The following PICALM variants were observed in gnomAD, a reference collection of about 807,000 sequenced individuals.
PICALM encodes phosphatidylinositol-binding clathrin assembly protein.
Under a neutral mutation model 80.5 loss-of-function variants are expected in PICALM, and 40 were observed. The observed-to-expected ratio is 0.50, with a 90% CI of 0.39 to 0.65. The LOEUF is 0.65. Ranked by LOEUF, PICALM falls within the 30% of genes least tolerant of loss-of-function variation. The probability of loss-of-function intolerance (pLI) is 0.00; values close to 1 mark genes in which losing one functional copy is unlikely to be tolerated. For missense variants in PICALM, 676 were observed against 778.9 expected (o/e 0.87, Z 1.57); for synonymous variants, 288 against 260.3 (o/e 1.11, Z -1.02).
chr11:85,981,338 G>A (rs1399635315), intron 16 of PICALM, 110 bp from the exon 17 acceptor site: 1 of 662,726 alleles, frequency 1.5e-6, no homozygotes, highest in Non-Finnish European at 2.6e-6. Flanking sequence ...GGGCGTGGTG[G>A]CTCATGCCTG....
intron 13 of PICALM, among the ~76,000 whole-genome samples, chr11:85,987,137 C>T (rs2094596786): frequency 6.6e-6 from 1 of 152,124 alleles, no homozygotes; most frequent in African/African-American, 2.4e-5. Context: ...GTAACTACTA[C>T]CATTTATTAA....
chr11:86,028,078 T>C (rs1283211037), intron 2 of PICALM, among the ~76,000 whole-genome samples: 1 of 152,248 alleles, frequency 6.6e-6, no homozygotes, highest in Non-Finnish European at 1.5e-5. Flanking sequence ...AGATAATAAA[T>C]CTAAATTTTC....
intron 19 of PICALM, chr11:85,974,385 G>GT: frequency 1.9e-6 from 1 of 513,560 alleles, no homozygotes. Context: ...TGAGTTAATG[G>GT]TTTTGAGGTT....
rs182080053 is a variant in PICALM, at chr11:86,056,792, G to C, written c.130+11859C>G. On this transcript the variant is annotated intron_variant, in intron 1 of 19. Transcript: ENST00000393346. ...CCCAAATGTCCACCAACTAATGAAG[G>C]TATAAATGAAATGTGGGTAACTATA... 4.3e-4 allele frequency among the ~76,000 whole-genome samples: 65 copies of C among 152,242 alleles called. 1 individual carries two copies. Among genetic ancestry groups the C allele is most frequent in the Admixed American group, 4.3e-3 (65 of 15,294 alleles).
chr11:86,027,504 T>C (rs2095668214), intron 2 of PICALM, among the ~76,000 whole-genome samples: 1 of 151,724 alleles, frequency 6.6e-6, no homozygotes, highest in African/African-American at 2.4e-5. Context: ...ATCAGTATTT[T>C]TTTTTTTTTT....
At chr11:85,974,647 T>G in intron 19 of PICALM, 61 bp downstream of exon 19, 1 of 1,084,018 alleles carries the variant, frequency 9.2e-7, no homozygotes, top group Non-Finnish European at 1.4e-6. Context: ...AAAAGGGTTT[T>G]ATAGTATCAT....
chr11:86,000,699 T>G lies in PICALM; in HGVS notation c.1098A>C (p.Gly366=). 1.2e-6 allele frequency: 2 copies of G among 1,612,528 alleles called. No homozygotes were observed. Among genetic ancestry groups the G allele is most frequent in the East Asian group, 2.2e-5 (1 of 44,870 alleles). ...TAASPVSTSA[G]GIMTAPAIDI... The stretch of plus-strand genomic sequence containing the variant: ...CAATGGCTGGTGCAGTCATTATCCC[T>G]CCTGCTGAGGTGGATACAGGAGAGG... Residue 366 remains glycine, a synonymous_variant, in exon 11 of 20, where the codon GGA becomes GGC. Transcript: ENST00000393346.
chr11:86,065,865 T>C (rs2096440767), intron 1 of PICALM, among the ~76,000 whole-genome samples: 1 of 152,174 alleles, frequency 6.6e-6, no homozygotes, highest in Non-Finnish European at 1.5e-5. Flanking sequence ...CACTTCCTAA[T>C]GTGGAAAGAT....
At chr11:86,015,370 CACTCT>C (rs1481769124) in intron 4 of PICALM, among the ~76,000 whole-genome samples, 3 of 152,132 alleles carry the variant, frequency 2.0e-5, no homozygotes, top group African/African-American at 7.2e-5. Context: ...AACAGTTAAA[CACTCT>C]GTAGGCCAAG....
At chr11:85,960,866 G>A (rs2093665429) in intron 19 of PICALM, 1 of 478,118 alleles carries the variant, frequency 2.1e-6, no homozygotes, top group Admixed American at 4.5e-5. Flanking sequence ...AAGAAGAAGT[G>A]GTTTTGGTTT....
chr11:85,970,518 T>C (rs959840727), intron 19 of PICALM, among the ~76,000 whole-genome samples: 2 of 152,214 alleles, frequency 1.3e-5, no homozygotes, highest in African/African-American at 4.8e-5. Context: ...CAGTTATATT[T>C]AGATTCACCT....
At chr11:86,026,268 C>G (rs765058137) in intron 3 of PICALM, 24 bp downstream of exon 3, 2 of 1,307,738 alleles carry the variant, frequency 1.5e-6, no homozygotes, top group East Asian at 2.3e-5. Context: ...TTTTGATTTT[C>G]TATAATGTAA....
intron 1 of PICALM, among the ~76,000 whole-genome samples, chr11:86,033,200 A>C (rs2095788596): frequency 6.6e-6 from 1 of 152,182 alleles, no homozygotes; most frequent in Non-Finnish European, 1.5e-5. Context: ...ACTAGACTTC[A>C]GTTTCAACGA....
At chr11:86,043,400 T>C (rs1321372235) in intron 1 of PICALM, among the ~76,000 whole-genome samples, 1 of 152,188 alleles carries the variant, frequency 6.6e-6, no homozygotes, top group Non-Finnish European at 1.5e-5. Flanking sequence ...ATGCAAATCA[T>C]TCACAAATTT....
intron 9 of PICALM, among the ~76,000 whole-genome samples, chr11:86,001,594 C>T (rs1334028973): frequency 6.6e-6 from 1 of 152,210 alleles, no homozygotes; most frequent in African/African-American, 2.4e-5. Context: ...AACATGCATA[C>T]CAGTAACACG....
At chr11:85,988,957 C>A (rs654194) in intron 13 of PICALM, among the ~76,000 whole-genome samples, 124,575 of 152,244 alleles carry the variant, frequency 0.82, 51,181 homozygotes, top group African/African-American at 0.89. Context: ...GCTAAGAAAG[C>A]AAGCCTACAC....
At position 86,063,839 on chromosome 11, in the gene PICALM, T is replaced by C. The variant is rs538760849; in HGVS notation, c.130+4812A>G. Among the ~76,000 whole-genome samples the C allele has an allele frequency of 1.3e-3, 200 of 152,160 alleles. 1 individual carries two copies. The highest frequency in any genetic ancestry group is 4.7e-3 in the African/African-American group (195 of 41,548). Reference sequence around the variant, plus strand: ...AAAGAATAGGAAGCCCAGACATTAATTACAAAATAACTGTCTTCTTAAAAC... The same window carrying C: ...AAAGAATAGGAAGCCCAGACATTAACTACAAAATAACTGTCTTCTTAAAAC... On this transcript the variant is annotated intron_variant, in intron 1 of 19. Coordinates refer to ENST00000393346, the MANE Select transcript of PICALM (RefSeq NM_007166.4).
At chr11:86,068,484 G>A (rs1038091385) in intron 1 of PICALM, among the ~76,000 whole-genome samples, 167 bp downstream of exon 1, 2 of 152,032 alleles carry the variant, frequency 1.3e-5, no homozygotes, top group African/African-American at 2.4e-5. Context: ...GAAGGCAGGT[G>A]TGATGGAAGC....
chr11:85,963,458 A>G (rs2093759862), intron 19 of PICALM, among the ~76,000 whole-genome samples: 1 of 152,258 alleles, frequency 6.6e-6, no homozygotes, highest in Non-Finnish European at 1.5e-5. Flanking sequence ...AAATTGGTAT[A>G]GCTATCAGTT....
Sources: allele counts gnomAD v4.1 joint callset (sites outside exome capture counted in the v4.1 genomes callset), GRCh38; gene constraint gnomAD v4.1.1; transcripts MANE v1.5; gene names NCBI Gene and HGNC (gene_info 2026-07-23, HGNC 2026-07-21).